The following LOXL2 variants were observed in gnomAD, a reference collection of about 807,000 sequenced individuals.
LOXL2 encodes lysyl oxidase homolog 2.
Under a neutral mutation model 93.0 loss-of-function variants are expected in LOXL2, and 70 were observed. The observed-to-expected ratio is 0.75, with a 90% CI of 0.62 to 0.92. The LOEUF (loss-of-function observed/expected upper bound fraction) is 0.92. Ranked by LOEUF, LOXL2 falls within the 40% of genes least tolerant of loss-of-function variation. The pLI is 0.00. For missense variants in LOXL2, 973 were observed against 1,054.9 expected (o/e 0.92, Z 1.08); for synonymous variants, 438 against 413.2 (o/e 1.06, Z -0.73).
chr8:23,340,905 G>A (rs1803871572), intron 4 of LOXL2, 87 bp downstream of exon 4: 3 of 1,265,760 alleles, frequency 2.4e-6, no homozygotes, highest in South Asian at 2.4e-5. Context: ...CCTGGCCAAG[G>A]AAAGGCCACC....
intron 6 of LOXL2, among the ~76,000 whole-genome samples, chr8:23,327,839 G>C (rs1410073643): frequency 6.6e-6 from 1 of 152,196 alleles, no homozygotes. Context: ...GATTTGTTCA[G>C]GACAGTTAAT....
chr8:23,331,104 G>T (rs1803668064), intron 5 of LOXL2, among the ~76,000 whole-genome samples: 1 of 152,168 alleles, frequency 6.6e-6, no homozygotes, highest in Admixed American at 6.5e-5. Context: ...GGTTTATCCG[G>T]CTCTTGTCAC....
chr8:23,339,455 AC>A (rs1028822932), intron 4 of LOXL2, among the ~76,000 whole-genome samples: 1 of 152,180 alleles, frequency 6.6e-6, no homozygotes, highest in Non-Finnish European at 1.5e-5. Context: ...TGACAGGATT[AC>A]CCAGGGCCCA....
chr8:23,310,035 G>A (rs1563186216), intron 9 of LOXL2, 124 bp from the exon 10 acceptor site: 2 of 1,057,930 alleles, frequency 1.9e-6, no homozygotes, highest in Non-Finnish European at 2.5e-6. Flanking sequence ...TGACTCAAGG[G>A]CTCCTCAAGG....
chr8:23,322,132 T>C lies in LOXL2; in HGVS notation c.1300A>G (p.Lys434Glu). 8 of 1,614,114 alleles carry C rather than the reference T, an allele frequency of 5.0e-6. No homozygotes were observed. The highest frequency in any genetic ancestry group is 6.8e-6 in the Non-Finnish European group (8 of 1,179,978). ...CNTPAMGLQK[K>E]LRLNGGRNPY... ...CTCTAGGTGTCCAGTCCCATCACCTTCTTCTGCAAGCCCATGGCAGGGGTG... is the reference window on the plus strand; with the variant it reads ...CTCTAGGTGTCCAGTCCCATCACCTCCTTCTGCAAGCCCATGGCAGGGGTG... Residue 434 changes from lysine (K) to glutamate (E), a missense_variant and splice_region_variant, in exon 7 of 14, where the codon AAG becomes GAG. Lys to Glu is a moderately conservative substitution (Grantham distance 56). Coordinates refer to ENST00000389131, the MANE Select transcript of LOXL2 (RefSeq NM_002318.3).
At chr8:23,301,595 C>G (rs1803132320) in intron 12 of LOXL2, among the ~76,000 whole-genome samples, 1 of 152,160 alleles carries the variant, frequency 6.6e-6, no homozygotes, top group Admixed American at 6.5e-5. Flanking sequence ...GTGACTGGCT[C>G]TTTATGAGTT....
intron 9 of LOXL2, among the ~76,000 whole-genome samples, chr8:23,310,844 A>C (rs1179408738): frequency 6.6e-6 from 1 of 152,238 alleles, no homozygotes; most frequent in Non-Finnish European, 1.5e-5. Flanking sequence ...GTGTTAAAAG[A>C]ATGACTGATG....
chr8:23,396,770 G>C (rs1452766554), intron 1 of LOXL2, among the ~76,000 whole-genome samples: 1 of 152,226 alleles, frequency 6.6e-6, no homozygotes, highest in African/African-American at 2.4e-5. Flanking sequence ...AAGCAGCCAT[G>C]TTTGGGCATG....
rs549355490 is a variant in LOXL2, at chr8:23,328,518, G to A, written c.1014C>T (p.Arg338=). ...LRGGAYIGEG[R]VEVLKNGEWG... ...ATTCTCCATTTTTGAGCACCTCCAC[G>A]CGGCCCTCCCCGATGTAGGCACCGC... is the stretch of plus-strand genomic sequence containing the variant. Residue 338 remains arginine (R), a synonymous_variant, in exon 6 of 14, where the codon CGC becomes CGT. Transcript: ENST00000389131. 3.7e-6 allele frequency: 6 copies of A among 1,613,930 alleles called. No individual in the cohort carries two copies. Among genetic ancestry groups the A allele is most frequent in the Admixed American group, 1.7e-5 (1 of 60,002 alleles).
intron 9 of LOXL2, among the ~76,000 whole-genome samples, chr8:23,314,993 G>A (rs866441074): frequency 6.6e-5 from 10 of 152,158 alleles, no homozygotes; most frequent in South Asian, 4.1e-4. Flanking sequence ...CACAAGCCCC[G>A]TGCGAGCCCC....
Position 23,385,851 on chromosome 8 carries a change from T to C in LOXL2, c.-83-17417A>G, listed in dbSNP as rs1033700287. ...ATGGAATCAATACAAAAATTATTAA[T>C]GAGATGTTTTGCGTTCTTTTTTCTT... On this transcript the variant is annotated intron_variant, in intron 1 of 13. Coordinates refer to ENST00000389131, the MANE Select transcript of LOXL2 (RefSeq NM_002318.3). 6 of 695,492 alleles carry C rather than the reference T, an allele frequency of 8.6e-6. No individual in the cohort carries two copies. In the African/African-American group the frequency reaches 1.1e-4, roughly 12 times the overall value. The allele number at this position is 695,492 out of a possible 1,614,324, so 43.1% of individuals were successfully genotyped here.
At position 23,302,299 on chromosome 8, in the gene LOXL2, G is replaced by A. The variant is rs1026584951; in HGVS notation, c.1997-136C>T. Reference sequence around the variant, plus strand: ...ACCCCACTGTGTGGGCTGCTCATCTGTTCTCATTTCAGTAGAACCCCCCAC... The same window carrying A: ...ACCCCACTGTGTGGGCTGCTCATCTATTCTCATTTCAGTAGAACCCCCCAC... On this transcript the variant is annotated intron_variant, in intron 11 of 13. Coordinates refer to ENST00000389131, the MANE Select transcript of LOXL2 (RefSeq NM_002318.3). 3.9e-6 allele frequency: 4 copies of A among 1,024,002 alleles called. No homozygotes were observed. The African/African-American group carries it at 4.7e-5, about 12-fold the overall frequency. 63.4% of individuals were successfully genotyped at this position (1,024,002 alleles called of 1,614,324 possible). A position where few individuals can be genotyped will look rare whatever the true frequency, so the allele number is the denominator to read the frequency against.
chr8:23,341,235 T>C, intron 3 of LOXL2, 32 bp from the exon 4 acceptor site: 1 of 1,545,116 alleles, frequency 6.5e-7, no homozygotes, highest in Non-Finnish European at 8.9e-7. Context: ...AGGAGAGGGT[T>C]ACCCTACTGG....
intron 1 of LOXL2, among the ~76,000 whole-genome samples, chr8:23,375,702 G>A (rs1326338882): frequency 2.0e-5 from 3 of 150,660 alleles, no homozygotes; most frequent in Non-Finnish European, 3.0e-5. Flanking sequence ...TATTCTCTTT[G>A]AAGCAATTGT....
At chr8:23,376,421 C>A (rs1038026923) in intron 1 of LOXL2, among the ~76,000 whole-genome samples, 11 of 152,194 alleles carry the variant, frequency 7.2e-5, no homozygotes, top group African/African-American at 2.7e-4. Flanking sequence ...GTGTCTCTGC[C>A]AGGCTTTGGT....
In LOXL2 at chr8:23,368,382, G is replaced by C; in HGVS notation, c.-31C>G. 1 of 1,586,748 alleles carries C rather than the reference G, an allele frequency of 6.3e-7. No homozygotes were observed. The highest frequency in any genetic ancestry group is 1.1e-5 in the South Asian group (1 of 90,638). On this transcript the variant is annotated 5_prime_UTR_variant, in exon 2 of 14. Transcript: ENST00000389131. ...TCTTCGGGCTGATGATCCCACGAAG[G>C]GGCCCTGCGCAGCTGGGAGGGACAG...
intron 1 of LOXL2, among the ~76,000 whole-genome samples, chr8:23,387,801 T>C (rs1253207497): frequency 2.0e-5 from 3 of 151,866 alleles, no homozygotes; most frequent in Non-Finnish European, 4.4e-5. Context: ...AATACAAAAA[T>C]TAGCTGGGCA....
chr8:23,332,552 CCA>C (rs1294982534), intron 5 of LOXL2, among the ~76,000 whole-genome samples: 1 of 103,698 alleles, frequency 9.6e-6, no homozygotes, highest in Non-Finnish European at 2.0e-5. Flanking sequence ...CCCCACACAC[CCA>C]CACTCATACA....
chr8:23,313,584 G>A (rs1803349332), intron 9 of LOXL2, among the ~76,000 whole-genome samples: 1 of 152,116 alleles, frequency 6.6e-6, no homozygotes, highest in African/African-American at 2.4e-5. Flanking sequence ...TGAGAAAACT[G>A]GCTAGCCATA....
Sources: gnomAD v4.1 joint callset for allele counts (sites outside exome capture counted in the v4.1 genomes callset) on GRCh38, gnomAD v4.1.1 for gene constraint, MANE v1.5 for transcripts, NCBI Gene and HGNC (gene_info 2026-07-23, HGNC 2026-07-21) for gene names.